SLC25A46: variants seen among roughly 807,000 people sequenced by gnomAD.
The protein encoded by SLC25A46 is solute carrier family 25 member 46.
In SLC25A46, 39 loss-of-function variants were observed where a neutral mutation model predicts 44.6. That is an observed-to-expected ratio of 0.87 (90% CI 0.68 to 1.14). The LOEUF is 1.14. Ranked by LOEUF, SLC25A46 falls within the 50% of genes most tolerant of loss-of-function variation. The pLI, the probability that SLC25A46 is intolerant of heterozygous loss-of-function variation, is 0.00. For missense variants in SLC25A46, 547 were observed against 522.7 expected, an observed-to-expected ratio of 1.05 and a Z score of -0.45; for synonymous variants, 202 against 185.8, an observed-to-expected ratio of 1.09 and a Z score of -0.71.
At chr5:110,738,926 G>A, upstream of SLC25A46, 1 of 1,397,406 alleles carries the variant, frequency 7.2e-7, no homozygotes, top group Non-Finnish European at 9.4e-7. Flanking sequence ...CCTAGCAACC[G>A]TGCCCTTTAA....
intron 7 of SLC25A46, among the ~76,000 whole-genome samples, chr5:110,759,918 A>G (rs1800206368): frequency 6.6e-6 from 1 of 152,116 alleles, no homozygotes; most frequent in African/African-American, 2.4e-5. Flanking sequence ...TTTATAATAC[A>G]GTGCTCCTCC....
intron 4 of SLC25A46, among the ~76,000 whole-genome samples, chr5:110,747,035 A>C (rs1247304724): frequency 6.6e-6 from 1 of 152,218 alleles, no homozygotes; most frequent in Admixed American, 6.5e-5. Flanking sequence ...TGTTTTAGCC[A>C]TGACCAAAAT....
chr5:110,758,503 A>G (rs777683290), intron 7 of SLC25A46, among the ~76,000 whole-genome samples: 1 of 152,056 alleles, frequency 6.6e-6, no homozygotes, highest in African/African-American at 2.4e-5. Context: ...TTACCCAGTC[A>G]TCATGAACTT....
At chr5:110,750,632 G>T (rs1385967468) in intron 5 of SLC25A46, among the ~76,000 whole-genome samples, 1 of 152,068 alleles carries the variant, frequency 6.6e-6, no homozygotes, top group Non-Finnish European at 1.5e-5. Context: ...GTAAATAGTT[G>T]TTATTCTATA....
At chr5:110,748,447 C>A (rs1161799740) in intron 5 of SLC25A46, among the ~76,000 whole-genome samples, 184 bp downstream of exon 5, 1 of 152,036 alleles carries the variant, frequency 6.6e-6, no homozygotes, top group Non-Finnish European at 1.5e-5. Context: ...TAGCTTTCAA[C>A]CCTTGTCCCC....
At chr5:110,751,207 A>T (rs1185198257) in intron 5 of SLC25A46, among the ~76,000 whole-genome samples, 6 of 152,204 alleles carry the variant, frequency 3.9e-5, no homozygotes, top group Non-Finnish European at 8.8e-5. Flanking sequence ...AATAAACAAA[A>T]GGTAACTGTT....
chr5:110,740,178 C>A (rs1193951333), intron 1 of SLC25A46, among the ~76,000 whole-genome samples: 1 of 152,190 alleles, frequency 6.6e-6, no homozygotes, highest in Non-Finnish European at 1.5e-5. Context: ...ATATTTTCAA[C>A]ATCCTTTTTT....
rs531769402 is a variant in SLC25A46, at chr5:110,745,347, G to A, written c.385-922G>A. ...CGGCTCACTGCAAACTCCGCCTCCTGGGTTCACGCCATTCTCCTGCCTCAG... is the reference window on the plus strand; with the variant it reads ...CGGCTCACTGCAAACTCCGCCTCCTAGGTTCACGCCATTCTCCTGCCTCAG... On this transcript the variant is annotated intron_variant, in intron 3 of 7. Coordinates refer to ENST00000355943, the MANE Select transcript of SLC25A46 (RefSeq NM_138773.4). 2.3e-3 allele frequency among the ~76,000 whole-genome samples: 346 copies of A among 152,112 alleles called. 1 individual carries two copies. Among genetic ancestry groups the A allele is most frequent in the African/African-American group, 8.1e-3 (338 of 41,524 alleles).
At position 110,739,063 on chromosome 5, in the gene SLC25A46, G is replaced by C. The variant is rs929613387; in HGVS notation, c.-57G>C. ...GGGAAGCTGTGTGTGCTTAGGTCGTGGTGGCCCCGGTGGTGGTGGGCTCCG... is the reference window on the plus strand; with the variant it reads ...GGGAAGCTGTGTGTGCTTAGGTCGTCGTGGCCCCGGTGGTGGTGGGCTCCG... On this transcript the variant is annotated 5_prime_UTR_variant, in exon 1 of 8. Transcript: ENST00000355943. 1.3e-6 allele frequency: 2 copies of C among 1,527,974 alleles called. No individual in the cohort carries two copies. The highest frequency in any genetic ancestry group is 1.7e-6 in the Non-Finnish European group (2 of 1,142,942). The allele number at this position is 1,527,974 out of a possible 1,614,324, so 94.7% of individuals were successfully genotyped here. A position where few individuals can be genotyped will look rare whatever the true frequency, so the allele number is the denominator to read the frequency against.
chr5:110,756,356 C>G (rs1800112372), intron 6 of SLC25A46, among the ~76,000 whole-genome samples: 1 of 151,660 alleles, frequency 6.6e-6, no homozygotes, highest in Non-Finnish European at 1.5e-5. Context: ...GTTACTTGCT[C>G]AAATATCACT....
intron 5 of SLC25A46, among the ~76,000 whole-genome samples, chr5:110,752,857 C>G (rs1204501273): frequency 6.6e-6 from 1 of 151,110 alleles, no homozygotes; most frequent in Non-Finnish European, 1.5e-5. Flanking sequence ...AGCTCTAACC[C>G]TAGATATGAG....
At chr5:110,750,670 A>G (rs1561604283) in intron 5 of SLC25A46, among the ~76,000 whole-genome samples, 1 of 152,216 alleles carries the variant, frequency 6.6e-6, no homozygotes, top group Admixed American at 6.5e-5. Context: ...ACAAGAAAGA[A>G]AAAAACTCTG....
At chr5:110,746,216 T>C in intron 3 of SLC25A46, 53 bp from the exon 4 acceptor site, 2 of 1,359,544 alleles carry the variant, frequency 1.5e-6, no homozygotes, top group Non-Finnish European at 2.0e-6. Flanking sequence ...ATGGCTCTGT[T>C]ATTTCTTGAC....
intron 1 of SLC25A46, among the ~76,000 whole-genome samples, chr5:110,741,266 G>A (rs1256225340): frequency 1.3e-5 from 2 of 152,194 alleles, no homozygotes; most frequent in African/African-American, 4.8e-5. Context: ...TTTGACATAT[G>A]CATAGGAATG....
chr5:110,741,428 G>A (rs774209082), intron 1 of SLC25A46, among the ~76,000 whole-genome samples: 1 of 152,094 alleles, frequency 6.6e-6, no homozygotes, highest in African/African-American at 2.4e-5. Context: ...ACCCATTTTG[G>A]TTATCCCTAA....
At position 110,756,723 on chromosome 5, in the gene SLC25A46, G is replaced by T; in HGVS notation, c.642G>T (p.Met214Ile). 1 of 1,571,784 alleles carries T rather than the reference G, an allele frequency of 6.4e-7. No homozygotes were observed. Among genetic ancestry groups the T allele is most frequent in the Non-Finnish European group, 8.6e-7 (1 of 1,165,536 alleles). Reference sequence around the variant, plus strand: ...ATAGCCTAACTTACGTGGTGGCAATGCCTTTTTATTCAGCAAGTCTGATTG... The same window carrying T: ...ATAGCCTAACTTACGTGGTGGCAATTCCTTTTTATTCAGCAAGTCTGATTG... ...LLKSLTYVVAMPFYSASLIET... is the reference protein window; with the variant it reads ...LLKSLTYVVAIPFYSASLIET... The change falls in exon 7 of 8, where the codon ATG becomes ATT. Residue 214 changes from methionine to isoleucine, a missense_variant. Physicochemically the swap from Met to Ile is conservative, Grantham distance 10. Coordinates refer to ENST00000355943, the MANE Select transcript of SLC25A46 (RefSeq NM_138773.4).
At chr5:110,753,946 T>C (rs1245036463) in intron 5 of SLC25A46, 7 of 152,208 alleles carry the variant, frequency 4.6e-5, no homozygotes, top group Admixed American at 2.0e-4. Context: ...TTTTGTTTTA[T>C]AATCATAAAG....
At chr5:110,744,210 G>C (rs1161252912) in intron 3 of SLC25A46, among the ~76,000 whole-genome samples, 1 of 152,138 alleles carries the variant, frequency 6.6e-6, no homozygotes, top group Non-Finnish European at 1.5e-5. Flanking sequence ...AAGAAGCAAG[G>C]AAGTTTAGTC....
intron 3 of SLC25A46, among the ~76,000 whole-genome samples, chr5:110,745,252 CTT>C (rs377434598): frequency 6.8e-6 from 1 of 147,566 alleles, no homozygotes; most frequent in Non-Finnish European, 1.5e-5. Flanking sequence ...TTATAACCCA[CTT>C]TTTTTTTTTG....
Sources: gnomAD v4.1 joint callset for allele counts (sites outside exome capture counted in the v4.1 genomes callset) on GRCh38, gnomAD v4.1.1 for gene constraint, MANE v1.5 for transcripts, NCBI Gene and HGNC (gene_info 2026-07-23, HGNC 2026-07-21) for gene names.